Variants in IFT70B observed in about 807,000 individuals in gnomAD.
IFT70B encodes the protein intraflagellar transport 70B.
chr2:177,550,755 A>G, the IFT70B span: 3 of 1,562,910 alleles, frequency 1.9e-6, no homozygotes, highest in Non-Finnish European at 1.7e-6. Context: ...AAATGCCACT[A>G]TCAGCTATTA....
the IFT70B span, chr2:177,550,025 CCT>C: frequency 6.6e-6 from 1 of 152,078 alleles, no homozygotes; most frequent in East Asian, 1.9e-4. Flanking sequence ...TAAACAAACC[CCT>C]GAGTTCTCAG....
At chr2:177,551,205 A>C in the IFT70B span, 1 of 1,613,810 alleles carries the variant, frequency 6.2e-7, no homozygotes, top group Admixed American at 1.7e-5. Flanking sequence ...CTTCCTCATC[A>C]ACTCCTCTGC....
chr2:177,551,903 A>C, the IFT70B span: 1 of 1,614,236 alleles, frequency 6.2e-7, no homozygotes, highest in Non-Finnish European at 8.5e-7. Context: ...GTAGGGTCAC[A>C]GGGTCCAACT....
the IFT70B span, chr2:177,552,563 G>T: frequency 1.3e-6 from 2 of 1,599,126 alleles, no homozygotes; most frequent in Non-Finnish European, 1.7e-6. Context: ...GCTGCTCATA[G>T]CACTCGGCCG....
chr2:177,552,719 G>A, the IFT70B span: 1 of 1,592,294 alleles, frequency 6.3e-7, no homozygotes. Context: ...ACACGACCGC[G>A]GTGAACTCCC....
the IFT70B span, chr2:177,550,412 C>G: frequency 5.9e-6 from 1 of 169,834 alleles, no homozygotes; most frequent in South Asian, 1.7e-4. Flanking sequence ...AAAGACTACT[C>G]TTAACTATTA....
At chr2:177,550,250 TATAAC>T in the IFT70B span, 1 of 152,298 alleles carries the variant, frequency 6.6e-6, no homozygotes, top group Non-Finnish European at 1.5e-5. Flanking sequence ...TAAAACCACT[TATAAC>T]CTAAGGAATT....
chr2:177,551,931 G>A, the IFT70B span: 2 of 1,614,224 alleles, frequency 1.2e-6, no homozygotes, highest in Admixed American at 3.3e-5. Flanking sequence ...TGCCCTGGGT[G>A]GCATGTCAGT....
chr2:177,551,083 C>T, the IFT70B span: 12 of 1,614,138 alleles, frequency 7.4e-6, no homozygotes, highest in Non-Finnish European at 1.0e-5. Flanking sequence ...ATACCAAAGT[C>T]ATAATTTCCT....
the IFT70B span, chr2:177,551,176 G>T: frequency 6.2e-7 from 1 of 1,613,848 alleles, no homozygotes; most frequent in Non-Finnish European, 8.5e-7. Context: ...TAAGAGAGCT[G>T]CTCTTCCTCC....
chr2:177,549,254 T>C, the IFT70B span: 2 of 152,198 alleles, frequency 1.3e-5, no homozygotes, highest in Non-Finnish European at 2.9e-5. Context: ...TGGTAAATGA[T>C]AGCAGCTCAG....
the IFT70B span, chr2:177,551,150 C>G: frequency 1.1e-5 from 18 of 1,613,950 alleles, no homozygotes; most frequent in Non-Finnish European, 1.5e-5. Flanking sequence ...GGTACATTTT[C>G]TTATCTGGGT....
chr2:177,552,495 T>C, the IFT70B span: 1 of 1,609,372 alleles, frequency 6.2e-7, no homozygotes, highest in South Asian at 1.1e-5. Context: ...GCAGGCCTTG[T>C]ACAGGGCCTG....
chr2:177,550,696 C>G, the IFT70B span: 9 of 1,354,134 alleles, frequency 6.6e-6, no homozygotes, highest in Non-Finnish European at 9.1e-6. Flanking sequence ...TATAAAGATG[C>G]CAAAGGGTAA....
chr2:177,550,922 CTG>C, the IFT70B span: 1 of 1,614,104 alleles, frequency 6.2e-7, no homozygotes, highest in African/African-American at 1.3e-5. Flanking sequence ...GTTCTAGAAA[CTG>C]GACACATTCT....
At chr2:177,552,538 G>A in the IFT70B span, 2 of 1,599,304 alleles carry the variant, frequency 1.3e-6, no homozygotes, top group Non-Finnish European at 1.7e-6. Flanking sequence ...TCCAGTTCCG[G>A]GTGCAGCTGG....
the IFT70B span, chr2:177,552,395 C>G: frequency 1.2e-6 from 2 of 1,613,840 alleles, no homozygotes; most frequent in Non-Finnish European, 8.5e-7. Context: ...CCTCGCTGTA[C>G]TTGATAGCAG....
At chr2:177,551,752 G>C in the IFT70B span, 1 of 1,614,184 alleles carries the variant, frequency 6.2e-7, no homozygotes, top group East Asian at 2.2e-5. Flanking sequence ...TCTGCTGCCA[G>C]GTCAAAATAC....
At chr2:177,551,950 C>T in the IFT70B span, 2 of 1,614,206 alleles carry the variant, frequency 1.2e-6, no homozygotes, top group Non-Finnish European at 1.7e-6. Flanking sequence ...GTGAGGGCTT[C>T]TTGAGCTGCC....
Sources: allele counts gnomAD v4.1 joint callset, GRCh38; gene constraint gnomAD v4.1.1; transcripts MANE v1.5; gene names NCBI Gene and HGNC (gene_info 2026-07-23, HGNC 2026-07-21).